The following RDM1 variants were observed in gnomAD, a reference collection of about 807,000 sequenced individuals.
RDM1 encodes RAD52 motif containing 1, also known as RAD52 motif-containing protein 1.
A neutral mutation model predicts 27.7 loss-of-function variants in RDM1; 28 were observed. That is an observed-to-expected ratio of 1.01 (90% confidence interval 0.75 to 1.39). RDM1 has a LOEUF of 1.39. RDM1 is among the 40% of genes most tolerant of loss of function. The pLI, the probability that RDM1 is intolerant of heterozygous loss-of-function variation, is 0.00. For missense variants in RDM1, 277 were observed against 337.3 expected (o/e 0.82, Z 1.40); for synonymous variants, 124 against 127.5 (o/e 0.97, Z 0.19).
At chr17:35,928,794 G>T (rs917537321) in intron 2 of RDM1, among the ~76,000 whole-genome samples, 1 of 150,938 alleles carries the variant, frequency 6.6e-6, no homozygotes, top group Non-Finnish European at 1.5e-5. Flanking sequence ...TATAATATAT[G>T]GCTGGGCACA....
intron 2 of RDM1, among the ~76,000 whole-genome samples, chr17:35,926,467 G>C (rs184705070): frequency 1.2e-3 from 188 of 152,008 alleles, no homozygotes; most frequent in African/African-American, 4.4e-3. Flanking sequence ...GCAGTGGCGC[G>C]ATCTTGGCTC....
intron 6 of RDM1, 33 bp from the exon 7 acceptor site, chr17:35,918,476 A>G (rs1174222754): frequency 6.5e-7 from 1 of 1,540,104 alleles, no homozygotes; most frequent in Non-Finnish European, 9.0e-7. Context: ...GGTGGCAGGC[A>G]GAACGCACAT....
chr17:35,929,731 G>A (rs967670624), intron 2 of RDM1, among the ~76,000 whole-genome samples: 6 of 152,104 alleles, frequency 3.9e-5, no homozygotes, highest in African/African-American at 1.2e-4. Flanking sequence ...CATGAGCCAC[G>A]GTGCCCAGCC....
At chr17:35,926,149 A>T (rs1256969705) in intron 2 of RDM1, among the ~76,000 whole-genome samples, 2 of 151,294 alleles carry the variant, frequency 1.3e-5, no homozygotes, top group Non-Finnish European at 2.9e-5. Flanking sequence ...AAAAAAAGGA[A>T]ATACAAATAC....
At chr17:35,925,863 A>G (rs1466723746) in intron 2 of RDM1, among the ~76,000 whole-genome samples, 4 of 152,172 alleles carry the variant, frequency 2.6e-5, no homozygotes, top group African/African-American at 9.7e-5. Context: ...CACCAGGTGC[A>G]GTGGCTCACC....
chr17:35,925,271 T>G (rs2089100868), intron 3 of RDM1, among the ~76,000 whole-genome samples: 1 of 152,234 alleles, frequency 6.6e-6, no homozygotes, highest in Non-Finnish European at 1.5e-5. Flanking sequence ...AATTGCTAGA[T>G]AGAGACAACC....
At chr17:35,929,705 G>C (rs1384469297) in intron 2 of RDM1, among the ~76,000 whole-genome samples, 1 of 152,228 alleles carries the variant, frequency 6.6e-6, no homozygotes, top group African/African-American at 2.4e-5. Context: ...ATCTCCCAAA[G>C]TGCTGGGATT....
At chr17:35,930,353 C>T (rs2089286705) in intron 1 of RDM1, 98 bp from the exon 2 acceptor site, 3 of 1,454,288 alleles carry the variant, frequency 2.1e-6, no homozygotes, top group African/African-American at 1.4e-5. Flanking sequence ...GCGAAGGATG[C>T]GATTCAAAAC....
At chr17:35,923,208 G>T (rs7224965) in intron 4 of RDM1, among the ~76,000 whole-genome samples, 1 of 151,624 alleles carries the variant, frequency 6.6e-6, no homozygotes, top group Non-Finnish European at 1.5e-5. Context: ...AAAATTAGCC[G>T]GGTGTGGTGG....
At chr17:35,925,402 A>G in intron 3 of RDM1, 113 bp downstream of exon 3, 2 of 914,772 alleles carry the variant, frequency 2.2e-6, no homozygotes, top group Non-Finnish European at 3.3e-6. Context: ...CCTCAATGGT[A>G]GAGGCCTCTC....
chr17:35,930,406 C>G, intron 1 of RDM1, 151 bp from the exon 2 acceptor site: 1 of 1,106,316 alleles, frequency 9.0e-7, no homozygotes, highest in Non-Finnish European at 1.3e-6. Context: ...AAATCCTAAA[C>G]TTTAAGAAGC....
At chr17:35,919,620 G>T (rs1362280790) in intron 6 of RDM1, among the ~76,000 whole-genome samples, 1 of 152,170 alleles carries the variant, frequency 6.6e-6, no homozygotes, top group Non-Finnish European at 1.5e-5. Context: ...GCTGTATAGG[G>T]ATAGCTCCAT....
At chr17:35,928,420 CAGCT>C (rs1432262928) in intron 2 of RDM1, among the ~76,000 whole-genome samples, 1 of 152,110 alleles carries the variant, frequency 6.6e-6, no homozygotes, top group African/African-American at 2.4e-5. Flanking sequence ...CTTTATGTAA[CAGCT>C]GGCAGAAGAC....
chr17:35,922,988 C>T lies in RDM1; in HGVS notation c.569-313G>A, dbSNP rs191550636. On this transcript the variant is annotated intron_variant, in intron 4 of 6. Transcript: ENST00000620284. ...GCTACACTCCTACAGACCCTACCCT[C>T]CTATGCATCAAGGGCTGGAATCACT... Among the ~76,000 whole-genome samples, 347 of 152,308 alleles carry T rather than the reference C, an allele frequency of 2.3e-3. 2 individuals are homozygous for T. Among genetic ancestry groups the T allele is most frequent in the African/African-American group, 7.8e-3 (326 of 41,574 alleles).
chr17:35,930,612 C>A lies in RDM1; in HGVS notation c.96+20G>T. 6.2e-7 allele frequency: 1 copy of A among 1,607,476 alleles called. No individual in the cohort carries two copies. The highest frequency in any genetic ancestry group is 8.5e-7 in the Non-Finnish European group (1 of 1,177,178). On this transcript the variant is annotated intron_variant, in intron 1 of 6. Transcript: ENST00000620284. ...TGGGCAGCTTTCTCCATCCCTCCCTCCATCCTGGCCCCGGCTCACATGCAA... is the reference window on the plus strand; with the variant it reads ...TGGGCAGCTTTCTCCATCCCTCCCTACATCCTGGCCCCGGCTCACATGCAA...
intron 3 of RDM1, 96 bp from the exon 4 acceptor site, chr17:35,924,868 G>T: frequency 2.5e-6 from 3 of 1,192,406 alleles, no homozygotes; most frequent in Non-Finnish European, 3.6e-6. Flanking sequence ...GGGCGTGGTG[G>T]TTCACGCCTG....
chr17:35,922,702 TA>T, intron 4 of RDM1, 27 bp from the exon 5 acceptor site: 1 of 1,531,596 alleles, frequency 6.5e-7, no homozygotes, highest in Non-Finnish European at 8.9e-7. Context: ...CAAATGGATT[TA>T]AGGTGCCTAT....
At position 35,925,575 on chromosome 17, in the gene RDM1, T is replaced by C; in HGVS notation, c.339A>G (p.Lys113=). 2 of 1,614,184 alleles carry C rather than the reference T, an allele frequency of 1.2e-6. No homozygotes were observed. The highest frequency in any genetic ancestry group is 1.7e-6 in the Non-Finnish European group (2 of 1,180,034). Residue 113 remains lysine, a synonymous_variant, in exon 3 of 7, where the codon AAA becomes AAG. Transcript: ENST00000620284. Reference sequence around the variant, plus strand: ...AGTAGTAATTCGCCAGTTCTTGGCATTTGGAACTGTTCAGGGCAAGGGCTT... The same window carrying C: ...AGTAGTAATTCGCCAGTTCTTGGCACTTGGAACTGTTCAGGGCAAGGGCTT... ...QHQALALNSS[K]CQELANYYFG... is the part of the protein sequence containing the mutation.
chr17:35,924,877 T>C, intron 3 of RDM1, 105 bp from the exon 4 acceptor site: 2 of 1,100,082 alleles, frequency 1.8e-6, no homozygotes, highest in Non-Finnish European at 1.3e-6. Flanking sequence ...GGTTCACGCC[T>C]GTAATCCCAG....
Sources: gnomAD v4.1 joint callset for allele counts (sites outside exome capture counted in the v4.1 genomes callset) on GRCh38, gnomAD v4.1.1 for gene constraint, MANE v1.5 for transcripts, NCBI Gene and HGNC (gene_info 2026-07-23, HGNC 2026-07-21) for gene names.